Variants in THADA observed in about 807,000 individuals in gnomAD.
THADA encodes the protein tRNA (32-2'-O)-methyltransferase regulator THADA.
THADA carries 213 observed loss-of-function variants against 219.8 expected under a neutral mutation model. The observed-to-expected ratio is 0.97, with a 90% CI of 0.87 to 1.09. The LOEUF (loss-of-function observed/expected upper bound fraction) is 1.09. THADA is among the 50% of genes least tolerant of loss of function. The pLI is 0.00. For missense variants in THADA, 2,956 were observed against 2,311.3 expected (o/e 1.28, Z -5.72); for synonymous variants, 1,018 against 828.9 (o/e 1.23, Z -3.92).
chr2:43,580,681 C>A (rs1700335518), intron 8 of THADA, among the ~76,000 whole-genome samples: 1 of 151,760 alleles, frequency 6.6e-6, no homozygotes, highest in African/African-American at 2.4e-5. Flanking sequence ...TCCAGACCAG[C>A]CTGGCCAACA....
rs965711794 is a variant in THADA, at chr2:43,444,192, C to A, written c.3837-13890G>T. Among the ~76,000 whole-genome samples, 6 of 152,302 alleles carry A rather than the reference C, an allele frequency of 3.9e-5. 1 individual carries two copies. In the South Asian group the frequency reaches 1.2e-3, roughly 32 times the overall value. On this transcript the variant is annotated intron_variant, in intron 26 of 37. Coordinates refer to ENST00000405975, the MANE Select transcript of THADA (RefSeq NM_022065.5). ...ATGTTTTGATGTAGGTCCATCTACA[C>A]CTCCCTCCTCATATAGTGTCCTATA...
At chr2:43,272,266 C>G (rs1180103986) in intron 36 of THADA, among the ~76,000 whole-genome samples, 1 of 152,150 alleles carries the variant, frequency 6.6e-6, no homozygotes, top group East Asian at 1.9e-4. Flanking sequence ...CCTTAGGAGT[C>G]TGGGTTTTAC....
At chr2:43,407,421 T>C (rs950657463) in intron 28 of THADA, among the ~76,000 whole-genome samples, 3 of 152,226 alleles carry the variant, frequency 2.0e-5, no homozygotes, top group Admixed American at 1.3e-4. Context: ...AGCTCTCTAT[T>C]GTCACATTAA....
At chr2:43,298,402 TG>T (rs1675844875) in intron 31 of THADA, among the ~76,000 whole-genome samples, 1 of 122,408 alleles carries the variant, frequency 8.2e-6, no homozygotes, top group Non-Finnish European at 1.7e-5. Context: ...GAAGGCAGCA[TG>T]CTCGTTAAGA....
chr2:43,470,508 T>C (rs1042469379), intron 26 of THADA, among the ~76,000 whole-genome samples: 7 of 152,100 alleles, frequency 4.6e-5, no homozygotes, highest in Non-Finnish European at 7.4e-5. Flanking sequence ...AATGATTACA[T>C]AACTACATGA....
At chr2:43,344,860 G>A (rs1024951758) in intron 29 of THADA, among the ~76,000 whole-genome samples, 1 of 151,720 alleles carries the variant, frequency 6.6e-6, no homozygotes, top group Admixed American at 6.6e-5. Context: ...TCGTGTATAT[G>A]CATGTATGCA....
intron 26 of THADA, among the ~76,000 whole-genome samples, chr2:43,466,191 G>T (rs766388003): frequency 6.6e-5 from 10 of 152,130 alleles, no homozygotes; most frequent in Non-Finnish European, 1.5e-4. Context: ...CTATTAAAAG[G>T]ATTCCATGAT....
chr2:43,245,172 C>CTTCTTTTTTTTTTTTTT (rs796699945), intron 36 of THADA, among the ~76,000 whole-genome samples: 9 of 103,142 alleles, frequency 8.7e-5, no homozygotes, highest in African/African-American at 4.0e-4. Flanking sequence ...CTTTCTTCTT[C>CTTCTTTTTTTTTTTTTT]TTTTTTTTTT....
intron 27 of THADA, among the ~76,000 whole-genome samples, chr2:43,428,622 T>C (rs1380324335): frequency 6.6e-6 from 1 of 151,910 alleles, no homozygotes; most frequent in Non-Finnish European, 1.5e-5. Flanking sequence ...AAATTATGTA[T>C]ATGAAGTGAG....
chr2:43,242,022 T>A (rs1242155026), intron 36 of THADA, among the ~76,000 whole-genome samples: 1 of 152,214 alleles, frequency 6.6e-6, no homozygotes, highest in Non-Finnish European at 1.5e-5. Context: ...TGGGGTCCCT[T>A]CTTCCTCCTT....
intron 22 of THADA, among the ~76,000 whole-genome samples, chr2:43,522,111 T>C (rs1176935785): frequency 1.3e-5 from 2 of 152,232 alleles, no homozygotes; most frequent in Non-Finnish European, 2.9e-5. Flanking sequence ...TATTTATTAT[T>C]TCAAAGTTCA....
intron 26 of THADA, among the ~76,000 whole-genome samples, chr2:43,484,938 AT>A (rs1389681051): frequency 6.7e-6 from 1 of 148,576 alleles, no homozygotes; most frequent in Non-Finnish European, 1.5e-5. Flanking sequence ...AGAAGATGCA[AT>A]TAAAAAAAAA....
chr2:43,274,308 A>C (rs1672467781), intron 36 of THADA, among the ~76,000 whole-genome samples: 1 of 152,208 alleles, frequency 6.6e-6, no homozygotes, highest in African/African-American at 2.4e-5. Context: ...GGTATGAATC[A>C]GTGAAAAACG....
chr2:43,425,907 C>T (rs1347008025), intron 28 of THADA, among the ~76,000 whole-genome samples: 1 of 152,166 alleles, frequency 6.6e-6, no homozygotes, highest in Non-Finnish European at 1.5e-5. Flanking sequence ...GATAGATGTG[C>T]TCTTTCTGTT....
At chr2:43,585,418 T>C (rs1472553411) in intron 7 of THADA, among the ~76,000 whole-genome samples, 1 of 150,260 alleles carries the variant, frequency 6.7e-6, no homozygotes, top group East Asian at 1.9e-4. Context: ...CTTGGGAGAC[T>C]GAGGTGGGAG....
chr2:43,424,873 C>T (rs940371221), intron 28 of THADA, among the ~76,000 whole-genome samples: 5 of 152,110 alleles, frequency 3.3e-5, no homozygotes, highest in African/African-American at 1.2e-4. Flanking sequence ...ACATGGTTAA[C>T]CAATCCAATC....
chr2:43,354,964 A>T (rs11124929), intron 29 of THADA, among the ~76,000 whole-genome samples: 32,234 of 152,076 alleles, frequency 0.21, 4,283 homozygotes, highest in African/African-American at 0.37. Flanking sequence ...TGCCACCACG[A>T]AAAGGATGTA....
chr2:43,565,593 C>T (rs1039023189), intron 15 of THADA: 1 of 152,110 alleles, frequency 6.6e-6, no homozygotes, highest in East Asian at 1.9e-4. Context: ...GCTAACTGTC[C>T]TCCTGTCAAA....
intron 26 of THADA, among the ~76,000 whole-genome samples, chr2:43,459,443 T>C (rs1683379156): frequency 6.6e-6 from 1 of 152,182 alleles, no homozygotes; most frequent in Non-Finnish European, 1.5e-5. Context: ...GAGCTTCTGC[T>C]ATGTCAGGCA....
Sources: allele counts gnomAD v4.1 joint callset (sites outside exome capture counted in the v4.1 genomes callset), GRCh38; gene constraint gnomAD v4.1.1; transcripts MANE v1.5; gene names NCBI Gene and HGNC (gene_info 2026-07-23, HGNC 2026-07-21).